ARRB1: variants seen among roughly 807,000 people sequenced by gnomAD.
The protein encoded by ARRB1 is arrestin beta 1, also known as beta-arrestin-1.
A neutral mutation model predicts 56.8 loss-of-function variants in ARRB1; 21 were observed. The observed-to-expected ratio is 0.37, with a 90% CI of 0.26 to 0.53. ARRB1 has a LOEUF of 0.53. Among genes scored for constraint, ARRB1 ranks in the 20% least tolerant of loss-of-function variants. ARRB1 has a pLI of 0.88. For missense variants in ARRB1, 424 were observed against 553.7 expected (o/e 0.77, Z 2.35); for synonymous variants, 210 against 218.6 (o/e 0.96, Z 0.35).
chr11:75,309,856 G>A (rs1270051838), intron 1 of ARRB1, among the ~76,000 whole-genome samples: 1 of 152,230 alleles, frequency 6.6e-6, no homozygotes, highest in Admixed American at 6.5e-5. Flanking sequence ...GAGGCAGGGA[G>A]CAGGGGAGGA....
At chr11:75,295,618 C>A (rs1452935504) in intron 1 of ARRB1, among the ~76,000 whole-genome samples, 1 of 152,222 alleles carries the variant, frequency 6.6e-6, no homozygotes, top group African/African-American at 2.4e-5. Context: ...CTGCAACCGT[C>A]ATTACCCTCT....
intron 1 of ARRB1, among the ~76,000 whole-genome samples, chr11:75,338,203 A>T (rs142603821): frequency 6.6e-6 from 1 of 152,056 alleles, no homozygotes; most frequent in East Asian, 1.9e-4. Flanking sequence ...GGACATGGGG[A>T]GCAGTGGATC....
intron 1 of ARRB1, among the ~76,000 whole-genome samples, chr11:75,331,017 G>A (rs1338347139): frequency 6.6e-6 from 1 of 152,224 alleles, no homozygotes; most frequent in African/African-American, 2.4e-5. Context: ...AGATGTTGAG[G>A]ACTAAAATCT....
At chr11:75,351,487 T>C in intron 1 of ARRB1, 101 bp downstream of exon 1, 2 of 1,465,772 alleles carry the variant, frequency 1.4e-6, no homozygotes, top group South Asian at 1.3e-5. Context: ...GATCCCGCGG[T>C]GGCCGCGAAC....
At chr11:75,280,461 AC>A (rs959261185) in intron 7 of ARRB1, among the ~76,000 whole-genome samples, 60 of 152,328 alleles carry the variant, frequency 3.9e-4, no homozygotes, top group African/African-American at 1.4e-3. Context: ...CAGGAGGCAG[AC>A]AGAGCACAGC....
intron 1 of ARRB1, among the ~76,000 whole-genome samples, chr11:75,307,568 T>A (rs1283586341): frequency 6.6e-6 from 1 of 152,052 alleles, no homozygotes; most frequent in Non-Finnish European, 1.5e-5. Flanking sequence ...GGGCCATGCC[T>A]CCTCCATCAC....
At chr11:75,277,143 G>T (rs1946218635) in intron 9 of ARRB1, among the ~76,000 whole-genome samples, 1 of 152,208 alleles carries the variant, frequency 6.6e-6, no homozygotes, top group Non-Finnish European at 1.5e-5. Context: ...CAGAACCCAA[G>T]AAACTGAAGA....
intron 10 of ARRB1, 94 bp from the exon 11 acceptor site, chr11:75,274,305 C>T: frequency 6.5e-7 from 1 of 1,527,056 alleles, no homozygotes. Context: ...TCTGAGCCTG[C>T]TCCAAGTCTC....
At chr11:75,310,928 A>G (rs1947141936) in intron 1 of ARRB1, among the ~76,000 whole-genome samples, 1 of 152,164 alleles carries the variant, frequency 6.6e-6, no homozygotes, top group African/African-American at 2.4e-5. Context: ...CCACAACCAC[A>G]GTGACCTTAA....
At chr11:75,314,374 C>T (rs1947225082) in intron 1 of ARRB1, among the ~76,000 whole-genome samples, 1 of 134,468 alleles carries the variant, frequency 7.4e-6, no homozygotes, top group East Asian at 1.9e-4. Flanking sequence ...CCCAGGGATG[C>T]CCCCCCTCCA....
intron 1 of ARRB1, among the ~76,000 whole-genome samples, chr11:75,302,008 A>ATCT: frequency 6.6e-6 from 1 of 152,316 alleles, no homozygotes; most frequent in South Asian, 2.1e-4. Flanking sequence ...GAGTGAGAGA[A>ATCT]GAGTCTCACA....
intron 1 of ARRB1, chr11:75,306,620 G>A (rs1947037437): frequency 7.8e-7 from 1 of 1,289,180 alleles, no homozygotes; most frequent in Non-Finnish European, 1.0e-6. Context: ...CAGCGCCAAA[G>A]CAGTGGACTG....
chr11:75,321,487 T>C (rs1380945918), intron 1 of ARRB1, among the ~76,000 whole-genome samples: 1 of 152,172 alleles, frequency 6.6e-6, no homozygotes, highest in Non-Finnish European at 1.5e-5. Context: ...CACCACCATT[T>C]GAGAGAGGCT....
At position 75,283,439 on chromosome 11, in the gene ARRB1, G is replaced by T; in HGVS notation, c.202C>A (p.Leu68Met). Residue 68 changes from leucine (L) to methionine (M), a missense_variant, in exon 5 of 16, where the codon CTG (leucine) becomes ATG (methionine). Physicochemically the swap from Leu to Met is conservative, Grantham distance 15. Coordinates refer to ENST00000420843, the MANE Select transcript of ARRB1 (RefSeq NM_004041.5). The part of the protein sequence containing the change: ...TCAFRYGRED[L>M]DVLGLTFRKD... ...CGAAAGGTCAGGCCCAGGACATCCA[G>T]GTCCTCCCGGCCATAGCGGAAGGCG... 6.2e-7 allele frequency: 1 copy of T among 1,613,946 alleles called. No individual in the cohort carries two copies. Among genetic ancestry groups the T allele is most frequent in the Non-Finnish European group, 8.5e-7 (1 of 1,179,868 alleles).
chr11:75,269,519 G>A (rs1477642083), intron 13 of ARRB1, among the ~76,000 whole-genome samples: 3 of 152,236 alleles, frequency 2.0e-5, no homozygotes, highest in Admixed American at 6.5e-5. Context: ...AGGGCCCAAG[G>A]CTGATTACAC....
rs182682087 is a variant in ARRB1 at position 75,325,432 on chromosome 11, G to A, written c.20+26156C>T. Among the ~76,000 whole-genome samples the A allele has an allele frequency of 5.0e-4, 76 of 152,128 alleles. No individual in the cohort carries two copies. In the East Asian group the frequency reaches 0.014, roughly 28 times the overall value. The stretch of plus-strand genomic sequence containing the variant: ...CGCCTCCTGGGTTCAAGCGATTCTC[G>A]TGCCTCAGCCTCCTGAGTAGCTGGG... On this transcript the variant is annotated intron_variant, in intron 1 of 15. Transcript: ENST00000420843.
chr11:75,280,875 G>A (rs914107022), intron 7 of ARRB1, 200 bp downstream of exon 7: 12 of 615,984 alleles, frequency 1.9e-5, no homozygotes, highest in Middle Eastern at 2.9e-4. Context: ...AGATGCTGCA[G>A]CCTGAACCCA....
chr11:75,278,529 C>G, intron 8 of ARRB1, 80 bp downstream of exon 8: 1 of 1,587,304 alleles, frequency 6.3e-7, no homozygotes, highest in Non-Finnish European at 8.6e-7. Context: ...GGCATCCTTG[C>G]AGGCCAGGAG....
At chr11:75,351,208 C>A (rs941803868) in intron 1 of ARRB1, among the ~76,000 whole-genome samples, 6 of 152,178 alleles carry the variant, frequency 3.9e-5, no homozygotes, top group Non-Finnish European at 5.9e-5. Flanking sequence ...CGTGCCACTG[C>A]GTGTGATGAG....
Sources: gnomAD v4.1 joint callset for allele counts (sites outside exome capture counted in the v4.1 genomes callset) on GRCh38, gnomAD v4.1.1 for gene constraint, MANE v1.5 for transcripts, NCBI Gene and HGNC (gene_info 2026-07-23, HGNC 2026-07-21) for gene names.